CBLB: variants seen among roughly 807,000 people sequenced by gnomAD.
CBLB encodes the protein Cbl proto-oncogene B, also known as E3 ubiquitin-protein ligase CBL-B.
Under a neutral mutation model 104.9 loss-of-function variants are expected in CBLB, and 31 were observed. The ratio of observed to expected loss-of-function variants is 0.30; its 90% CI spans 0.22 to 0.40. The LOEUF is 0.40. Among genes scored for constraint, CBLB ranks in the 10% least tolerant of loss-of-function variants. The probability of loss-of-function intolerance (pLI) is 1.00; values close to 1 mark genes in which losing one functional copy is unlikely to be tolerated. For missense variants in CBLB, 1,062 were observed against 1,214.6 expected (o/e 0.87, Z 1.87); for synonymous variants, 440 against 422.6 (o/e 1.04, Z -0.51).
intron 13 of CBLB, among the ~76,000 whole-genome samples, chr3:105,686,138 T>C (rs531104075): frequency 1.3e-5 from 2 of 152,294 alleles, no homozygotes; most frequent in Admixed American, 1.3e-4. Context: ...AGAATTAAAA[T>C]GAGTAAAACC....
At chr3:105,852,277 G>T (rs1004865629) in intron 3 of CBLB, among the ~76,000 whole-genome samples, 1 of 152,028 alleles carries the variant, frequency 6.6e-6, no homozygotes, top group Non-Finnish European at 1.5e-5. Context: ...GTTACATATT[G>T]TGTGACCTTC....
intron 2 of CBLB, among the ~76,000 whole-genome samples, chr3:105,863,610 C>T (rs991117314): frequency 1.3e-5 from 2 of 151,948 alleles, no homozygotes; most frequent in African/African-American, 4.8e-5. Flanking sequence ...ATATATAATC[C>T]AAGCATCCTT....
intron 2 of CBLB, among the ~76,000 whole-genome samples, chr3:105,865,404 G>A (rs2092369446): frequency 6.6e-6 from 1 of 151,934 alleles, no homozygotes; most frequent in African/African-American, 2.4e-5. Flanking sequence ...AGACAAACAG[G>A]CAATGTACAT....
intron 13 of CBLB, among the ~76,000 whole-genome samples, chr3:105,689,783 T>C (rs1163643109): frequency 6.6e-6 from 1 of 151,836 alleles, no homozygotes; most frequent in African/African-American, 2.4e-5. Context: ...TCCAAAAAAA[T>C]AATTACCCAT....
chr3:105,807,265 A>C (rs2083631835), intron 3 of CBLB, among the ~76,000 whole-genome samples: 2 of 152,218 alleles, frequency 1.3e-5, no homozygotes, highest in African/African-American at 4.8e-5. Flanking sequence ...TCCTCAAAAA[A>C]CTGTGATATG....
intron 9 of CBLB, among the ~76,000 whole-genome samples, chr3:105,729,878 T>C (rs2074118499): frequency 6.6e-6 from 1 of 152,084 alleles, no homozygotes; most frequent in African/African-American, 2.4e-5. Context: ...TCAACAAACA[T>C]TCCTGTTCAT....
chr3:105,658,091 TTGTTATA>T lies in CBLB; in HGVS notation c.*872_*878del, dbSNP rs1287641852. The T allele has an allele frequency of 4.6e-6, 1 of 217,920 alleles. No individual in the cohort carries two copies. The highest frequency in any genetic ancestry group is 2.2e-5 in the African/African-American group (1 of 44,498). The allele number at this position is 217,920 out of a possible 1,614,324, so 13.5% of individuals were successfully genotyped here. On this transcript the variant is annotated 3_prime_UTR_variant, in exon 19 of 19. Coordinates refer to ENST00000394030, the MANE Select transcript of CBLB (RefSeq NM_170662.5). ...ATGCAGGCATAAGTATCAGGGGACC[TTGTTATA>T]TAACTTCAGTACAGCATTGTCTTAT...
chr3:105,806,974 T>C (rs577374561), intron 3 of CBLB, among the ~76,000 whole-genome samples: 91 of 152,334 alleles, frequency 6.0e-4, no homozygotes, highest in Non-Finnish European at 1.8e-4. Context: ...ACTACTGTTA[T>C]TGAGCTGCAC....
chr3:105,821,066 T>C (rs1421297641), intron 3 of CBLB, among the ~76,000 whole-genome samples: 1 of 152,192 alleles, frequency 6.6e-6, no homozygotes. Flanking sequence ...ACATTTTTTA[T>C]ACAAATACAA....
intron 4 of CBLB, among the ~76,000 whole-genome samples, chr3:105,771,950 C>A (rs909180230): frequency 2.7e-5 from 4 of 149,072 alleles, no homozygotes; most frequent in Admixed American, 2.0e-4. Context: ...GACCACACTG[C>A]TCAAAGCAAT....
intron 3 of CBLB, among the ~76,000 whole-genome samples, chr3:105,816,805 GTGGATACCAAA>G (rs1399235796): frequency 6.6e-6 from 1 of 152,112 alleles, no homozygotes; most frequent in Non-Finnish European, 1.5e-5. Context: ...CACTGCTGCG[GTGGATACCAAA>G]AAGTATATGG....
chr3:105,660,516 C>G (rs2063688512), intron 18 of CBLB, among the ~76,000 whole-genome samples: 1 of 152,112 alleles, frequency 6.6e-6, no homozygotes. Context: ...AAAATGTCAT[C>G]TTTATGTCAT....
chr3:105,665,400 AAT>A lies in CBLB; in HGVS notation c.2689+4831_2689+4832del, dbSNP rs1163325832. On this transcript the variant is annotated intron_variant, in intron 18 of 18. Transcript: ENST00000394030. Reference sequence around the variant, plus strand: ...GACTCTGTCTCCAAAAAAATAAATAAATAAATAAATAAATAAATATATATATA... The same window carrying A: ...GACTCTGTCTCCAAAAAAATAAATAAAAATAAATAAATAAATATATATATA... 2.6e-4 allele frequency among the ~76,000 whole-genome samples: 25 copies of A among 96,332 alleles called. No individual in the cohort carries two copies. The South Asian group carries it at 7.6e-3, about 29-fold the overall frequency. The allele number at this position is 96,332 out of a possible 152,430, so 63.2% of individuals were successfully genotyped here.
chr3:105,840,127 T>C (rs1432549474), intron 3 of CBLB, among the ~76,000 whole-genome samples: 1 of 152,210 alleles, frequency 6.6e-6, no homozygotes, highest in African/African-American at 2.4e-5. Flanking sequence ...CGCGAAGGGT[T>C]TTCAGCATCT....
chr3:105,784,758 C>A (rs2080760483), intron 3 of CBLB, among the ~76,000 whole-genome samples: 1 of 152,086 alleles, frequency 6.6e-6, no homozygotes, highest in Non-Finnish European at 1.5e-5. Flanking sequence ...TCACTTTTGA[C>A]AAATCAAGGA....
intron 3 of CBLB, among the ~76,000 whole-genome samples, chr3:105,848,246 A>G (rs1487814459): frequency 1.3e-5 from 2 of 152,104 alleles, no homozygotes; most frequent in African/African-American, 2.4e-5. Flanking sequence ...GGTTTACTGT[A>G]TCAGTCGGGG....
intron 13 of CBLB, among the ~76,000 whole-genome samples, chr3:105,686,528 T>C (rs2067029630): frequency 6.6e-6 from 1 of 152,152 alleles, no homozygotes; most frequent in African/African-American, 2.4e-5. Flanking sequence ...GCCTTTGGTA[T>C]ATTAAACAAA....
At chr3:105,832,486 G>C (rs780758863) in intron 3 of CBLB, among the ~76,000 whole-genome samples, 3 of 152,166 alleles carry the variant, frequency 2.0e-5, no homozygotes, top group Non-Finnish European at 4.4e-5. Context: ...GCATGTGGCT[G>C]TAAGACCCTT....
intron 3 of CBLB, among the ~76,000 whole-genome samples, chr3:105,797,459 GGA>G (rs61311903): frequency 0.12 from 17,781 of 152,128 alleles, 1,255 homozygotes; most frequent in East Asian, 0.41. Context: ...AAGGGCAGGA[GGA>G]GAGAGAGGAT....
Sources: gnomAD v4.1 joint callset for allele counts (sites outside exome capture counted in the v4.1 genomes callset) on GRCh38, gnomAD v4.1.1 for gene constraint, MANE v1.5 for transcripts, NCBI Gene and HGNC (gene_info 2026-07-23, HGNC 2026-07-21) for gene names.